MCPH1: variants seen among roughly 807,000 people sequenced by gnomAD.
MCPH1 encodes the protein microcephalin.
Under a neutral mutation model 84.5 loss-of-function variants are expected in MCPH1, and 104 were observed. The observed-to-expected ratio is 1.23, with a 90% confidence interval of 1.05 to 1.45. The LOEUF (loss-of-function observed/expected upper bound fraction) is 1.45. Among genes scored for constraint, MCPH1 ranks in the 40% most tolerant of loss-of-function variants. The pLI is 0.00. For synonymous variants in MCPH1, 514 were observed against 366.8 expected, an observed-to-expected ratio of 1.40 and a Z score of -4.58; for missense variants, 1,498 against 1,005.7, an observed-to-expected ratio of 1.49 and a Z score of -6.62.
At chr8:6,461,292 A>G (rs1806254484) in intron 9 of MCPH1, among the ~76,000 whole-genome samples, 1 of 138,502 alleles carries the variant, frequency 7.2e-6, no homozygotes, top group Admixed American at 7.1e-5. Context: ...TTTTAGACTT[A>G]TTTTAAATAT....
chr8:6,457,463 G>C (rs1205959760), intron 9 of MCPH1, among the ~76,000 whole-genome samples: 1 of 151,658 alleles, frequency 6.6e-6, no homozygotes, highest in South Asian at 2.1e-4. Context: ...AAATTGGCCA[G>C]GCCTGGTGGT....
chr8:6,636,808 A>C lies in MCPH1; in HGVS notation c.2453-6186A>C, dbSNP rs78763025. Among the ~76,000 whole-genome samples, 1,492 of 152,164 alleles carry C rather than the reference A, an allele frequency of 9.8e-3. 22 individuals carry two copies. The highest frequency in any genetic ancestry group is 0.031 in the Middle Eastern group (9 of 294). On this transcript the variant is annotated intron_variant, in intron 13 of 13. Coordinates refer to ENST00000344683, the MANE Select transcript of MCPH1 (RefSeq NM_024596.5). ...CCAAAAATGCCACCCACCACCCCCCAAAAAAAATCTGGAATTCAAAACATT... is the reference window on the plus strand; with the variant it reads ...CCAAAAATGCCACCCACCACCCCCCCAAAAAAATCTGGAATTCAAAACATT...
intron 12 of MCPH1, among the ~76,000 whole-genome samples, chr8:6,586,964 G>A (rs947776215): frequency 2.0e-5 from 3 of 152,016 alleles, no homozygotes; most frequent in Admixed American, 6.6e-5. Context: ...TGTGGGAGCC[G>A]AGCCCCGTTG....
intron 12 of MCPH1, among the ~76,000 whole-genome samples, chr8:6,524,101 A>G (rs554664558): frequency 6.6e-6 from 1 of 152,328 alleles, no homozygotes; most frequent in Non-Finnish European, 1.5e-5. Flanking sequence ...CAGATGTCAG[A>G]TTCCTCTCTC....
At chr8:6,424,639 GTCC>G (rs1452731435) in intron 3 of MCPH1, among the ~76,000 whole-genome samples, 1 of 152,200 alleles carries the variant, frequency 6.6e-6, no homozygotes, top group Non-Finnish European at 1.5e-5. Context: ...GGTCTGATGT[GTCC>G]TCCTAATATC....
chr8:6,484,852 G>A (rs190128541), intron 11 of MCPH1, among the ~76,000 whole-genome samples: 2 of 152,182 alleles, frequency 1.3e-5, no homozygotes, highest in Non-Finnish European at 2.9e-5. Context: ...TGGTTGCCGC[G>A]CATTAAGGTG....
intron 3 of MCPH1, among the ~76,000 whole-genome samples, chr8:6,425,370 A>G (rs1310615272): frequency 6.6e-6 from 1 of 152,218 alleles, no homozygotes; most frequent in Admixed American, 6.5e-5. Flanking sequence ...TTGTCTGTTC[A>G]GTAGATTTTG....
At chr8:6,551,298 G>A (rs970214604) in intron 12 of MCPH1, among the ~76,000 whole-genome samples, 3 of 152,148 alleles carry the variant, frequency 2.0e-5, no homozygotes, top group African/African-American at 7.2e-5. Flanking sequence ...GGGTGAAGAA[G>A]GGGAAAGGAA....
intron 12 of MCPH1, among the ~76,000 whole-genome samples, chr8:6,575,113 G>A (rs1826964010): frequency 2.0e-5 from 3 of 152,160 alleles, no homozygotes; most frequent in Admixed American, 2.0e-4. Flanking sequence ...AATTGGCTAT[G>A]AGACTTCCGG....
chr8:6,633,262 T>C lies in MCPH1; in HGVS notation c.2453-9732T>C, dbSNP rs866167041. ...CAGGAAGGGACACATTTTGTTTGCA[T>C]GTCATACAGTTGTCTACATAGAAAC... On this transcript the variant is annotated intron_variant, in intron 13 of 13. Transcript: ENST00000344683. 1.9e-4 allele frequency among the ~76,000 whole-genome samples: 29 copies of C among 152,308 alleles called. No individual in the cohort carries two copies. In the South Asian group the frequency reaches 2.5e-3, roughly 13 times the overall value.
chr8:6,528,237 C>A (rs934633531), intron 12 of MCPH1, among the ~76,000 whole-genome samples: 1 of 152,140 alleles, frequency 6.6e-6, no homozygotes, highest in Non-Finnish European at 1.5e-5. Context: ...TAGTTCTGGA[C>A]AATGGGGTCT....
chr8:6,431,684 AGTTG>A, intron 4 of MCPH1, 98 bp downstream of exon 4: 1 of 819,604 alleles, frequency 1.2e-6, no homozygotes, highest in Non-Finnish European at 2.0e-6. Flanking sequence ...TATATTCAAG[AGTTG>A]TCTTAAATAT....
At chr8:6,564,188 G>C (rs569269699) in intron 12 of MCPH1, among the ~76,000 whole-genome samples, 1 of 152,162 alleles carries the variant, frequency 6.6e-6, no homozygotes, top group Non-Finnish European at 1.5e-5. Flanking sequence ...CACCATGTTA[G>C]GCTGGTCTCA....
intron 12 of MCPH1, among the ~76,000 whole-genome samples, chr8:6,569,697 G>T (rs1219888327): frequency 1.3e-5 from 2 of 152,216 alleles, no homozygotes; most frequent in African/African-American, 4.8e-5. Context: ...TAATGGTTAT[G>T]AATTTAAGGA....
chr8:6,634,301 C>G (rs961504040), intron 13 of MCPH1, among the ~76,000 whole-genome samples: 14 of 152,206 alleles, frequency 9.2e-5, no homozygotes, highest in African/African-American at 3.4e-4. Flanking sequence ...TTTAAAGCAT[C>G]TGCAGATCAC....
At chr8:6,642,812 G>C (rs1798019697) in intron 13 of MCPH1, 182 bp from the exon 14 acceptor site, 2 of 663,866 alleles carry the variant, frequency 3.0e-6, no homozygotes, top group African/African-American at 3.6e-5. Flanking sequence ...TCATTGTATT[G>C]AATTTCGTTT....
chr8:6,629,461 C>G (rs1041770490), intron 13 of MCPH1, among the ~76,000 whole-genome samples: 2 of 151,928 alleles, frequency 1.3e-5, no homozygotes, highest in Non-Finnish European at 2.9e-5. Flanking sequence ...AACCCCATCT[C>G]AAAAAAATAA....
At chr8:6,584,812 T>C (rs1236549309) in intron 12 of MCPH1, among the ~76,000 whole-genome samples, 1 of 152,244 alleles carries the variant, frequency 6.6e-6, no homozygotes, top group Non-Finnish European at 1.5e-5. Context: ...GCAAACGTAG[T>C]TCTTTTGCCA....
chr8:6,521,220 C>G (rs1459061957), intron 12 of MCPH1: 4 of 1,613,866 alleles, frequency 2.5e-6, no homozygotes, highest in East Asian at 2.2e-5. Context: ...TTAACTGTCT[C>G]CATGAGATCA....
Sources: allele counts gnomAD v4.1 joint callset (sites outside exome capture counted in the v4.1 genomes callset), GRCh38; gene constraint gnomAD v4.1.1; transcripts MANE v1.5; gene names NCBI Gene and HGNC (gene_info 2026-07-23, HGNC 2026-07-21).